The following UNC5D variants were observed in gnomAD, a reference collection of about 807,000 sequenced individuals.
The protein encoded by UNC5D is netrin receptor UNC5D.
A neutral mutation model predicts 105.4 loss-of-function variants in UNC5D; 39 were observed. The ratio of observed to expected loss-of-function variants is 0.37; its 90% CI spans 0.29 to 0.48. UNC5D has a LOEUF of 0.48. Among genes scored for constraint, UNC5D ranks in the 20% least tolerant of loss-of-function variants. The pLI, the probability that UNC5D is intolerant of heterozygous loss-of-function variation, is 0.98. For missense variants in UNC5D, 991 were observed against 1,202.4 expected, an observed-to-expected ratio of 0.82 and a Z score of 2.60; for synonymous variants, 452 against 450.4, an observed-to-expected ratio of 1.00 and a Z score of -0.04.
In UNC5D at chr8:35,791,371, A is replaced by G. The variant is rs1395177172; in HGVS notation, c.*808A>G. The G allele has an allele frequency of 2.0e-5, 3 of 152,216 alleles. No individual in the cohort carries two copies. Among genetic ancestry groups the G allele is most frequent in the Non-Finnish European group, 4.4e-5 (3 of 68,080 alleles). 9.4% of individuals were successfully genotyped at this position (152,216 alleles called of 1,614,324 possible). A position where few individuals can be genotyped will look rare whatever the true frequency, so the allele number is the denominator to read the frequency against. On this transcript the variant is annotated 3_prime_UTR_variant, in exon 17 of 17. Coordinates refer to ENST00000404895, the MANE Select transcript of UNC5D (RefSeq NM_080872.4). ...TCTCTATTCCCATCTAAGCCACTCA[A>G]ATTGCTGAGTGCTATTAGAACACAG...
At chr8:35,523,928 G>T in intron 1 of UNC5D, among the ~76,000 whole-genome samples, 1 of 25,038 alleles carries the variant, frequency 4.0e-5, no homozygotes, top group Non-Finnish European at 7.9e-5. Context: ...ACAAACTGGT[G>T]GGCTAAAGTC....
intron 3 of UNC5D, among the ~76,000 whole-genome samples, chr8:35,582,929 C>G (rs1410821591): frequency 6.6e-6 from 1 of 152,162 alleles, no homozygotes; most frequent in Non-Finnish European, 1.5e-5. Context: ...AAAACTTTGT[C>G]CCTTCAACCA....
intron 1 of UNC5D, among the ~76,000 whole-genome samples, chr8:35,372,317 G>A (rs111506573): frequency 0.016 from 2,414 of 152,006 alleles, 70 homozygotes; most frequent in African/African-American, 0.056. Flanking sequence ...TAGAGACAGG[G>A]TTTTGCCATG....
intron 8 of UNC5D, among the ~76,000 whole-genome samples, chr8:35,714,120 A>G (rs959779897): frequency 1.3e-5 from 2 of 152,304 alleles, no homozygotes; most frequent in East Asian, 3.9e-4. Flanking sequence ...CTCCTTTTGA[A>G]ATTGAGATGA....
chr8:35,736,278 G>A (rs1345197391), intron 11 of UNC5D, among the ~76,000 whole-genome samples: 3 of 152,172 alleles, frequency 2.0e-5, no homozygotes, highest in African/African-American at 7.2e-5. Context: ...GGCTGGGGTG[G>A]GAGGATGGCT....
intron 3 of UNC5D, among the ~76,000 whole-genome samples, chr8:35,572,285 A>C (rs1817785772): frequency 6.7e-6 from 1 of 150,062 alleles, no homozygotes. Flanking sequence ...CAAAAAAAAA[A>C]AAAAAAAAAA....
intron 16 of UNC5D, among the ~76,000 whole-genome samples, chr8:35,783,272 C>T (rs985204819): frequency 2.6e-5 from 4 of 152,130 alleles, no homozygotes; most frequent in African/African-American, 9.7e-5. Flanking sequence ...TGGGCAAAAG[C>T]CGAAATTCTG....
chr8:35,679,533 C>T (rs1301124262), intron 4 of UNC5D, among the ~76,000 whole-genome samples: 3 of 152,016 alleles, frequency 2.0e-5, no homozygotes, highest in Non-Finnish European at 2.9e-5. Context: ...GGCTAAAGCT[C>T]GAGGCTCTGA....
intron 1 of UNC5D, among the ~76,000 whole-genome samples, chr8:35,401,971 G>A (rs1441033431): frequency 1.3e-5 from 2 of 152,130 alleles, no homozygotes; most frequent in East Asian, 3.9e-4. Flanking sequence ...TGTAAATAAT[G>A]GATTGAGCCT....
In UNC5D at chr8:35,429,182, C is replaced by T. The variant is rs140610592; in HGVS notation, c.104-120110C>T. On this transcript the variant is annotated intron_variant, in intron 1 of 16. Transcript: ENST00000404895. ...AAGCTGCAATAATCTTCATTTTATC[C>T]CTTTCTTCTTTGATAATGAAGAACT... Among the ~76,000 whole-genome samples, 119 of 152,140 alleles carry T rather than the reference C, an allele frequency of 7.8e-4. 1 individual carries two copies. The highest frequency in any genetic ancestry group is 2.8e-3 in the African/African-American group (117 of 41,520).
rs113893400 is a variant in UNC5D at position 35,747,197 on chromosome 8, G to A, written c.1767-1330G>A. Among the ~76,000 whole-genome samples, 522 of 152,268 alleles carry A rather than the reference G, an allele frequency of 3.4e-3. 4 individuals carry two copies. The highest frequency in any genetic ancestry group is 0.012 in the African/African-American group (500 of 41,558). On this transcript the variant is annotated intron_variant, in intron 11 of 16. Transcript: ENST00000404895. ...TAATGTTACATCTACTGTTTTAGACGCAGTAGACATAAGATGCTCCTCAAT... is the reference window on the plus strand; with the variant it reads ...TAATGTTACATCTACTGTTTTAGACACAGTAGACATAAGATGCTCCTCAAT...
chr8:35,375,024 A>G lies in UNC5D; in HGVS notation c.103+139137A>G, dbSNP rs563701636. Among the ~76,000 whole-genome samples, 78 of 152,332 alleles carry G rather than the reference A, an allele frequency of 5.1e-4. No homozygotes were observed. In the Middle Eastern group the frequency reaches 0.01, roughly 20 times the overall value. On this transcript the variant is annotated intron_variant, in intron 1 of 16. Coordinates refer to ENST00000404895, the MANE Select transcript of UNC5D (RefSeq NM_080872.4). ...TTTCATAGTTGACTTTTAAAATCCT[A>G]TATAATAGAAAAGTGGACTTCAGCT...
chr8:35,632,881 G>C (rs779325076), intron 4 of UNC5D, among the ~76,000 whole-genome samples: 2 of 152,142 alleles, frequency 1.3e-5, no homozygotes, highest in Non-Finnish European at 1.5e-5. Flanking sequence ...TTTCTTTGGA[G>C]CCCCTTTCCT....
chr8:35,348,759 T>A (rs1002789324), intron 1 of UNC5D, among the ~76,000 whole-genome samples: 1 of 151,882 alleles, frequency 6.6e-6, no homozygotes. Context: ...GTATATATCC[T>A]GGACTTAATG....
At chr8:35,769,336 ATCTAATGGATTAGCCTTAACTGTGGGCCT>A (rs1563749332) in intron 15 of UNC5D, among the ~76,000 whole-genome samples, 1 of 152,180 alleles carries the variant, frequency 6.6e-6, no homozygotes, top group South Asian at 2.1e-4. Context: ...AGTCAAGGCC[ATCTAATGGATTAGCCTTAACTGTGGGCCT>A]TCTTCACAGT....
chr8:35,758,487 G>C (rs1309811331), intron 13 of UNC5D, among the ~76,000 whole-genome samples: 1 of 152,078 alleles, frequency 6.6e-6, no homozygotes, highest in Non-Finnish European at 1.5e-5. Context: ...CTTATATTCA[G>C]TAACACCAAA....
At position 35,489,238 on chromosome 8, in the gene UNC5D, C is replaced by T. The variant is rs186775900; in HGVS notation, c.104-60054C>T. 4.1e-3 allele frequency among the ~76,000 whole-genome samples: 627 copies of T among 152,164 alleles called. 8 individuals are homozygous for T. Among genetic ancestry groups the T allele is most frequent in the African/African-American group, 0.014 (591 of 41,500 alleles). ...AGCCAGGCTGGTCTTGAACCCCTGA[C>T]CTCAGGTGATCCACCTGCCTCAGCC... On this transcript the variant is annotated intron_variant, in intron 1 of 16. Transcript: ENST00000404895.
intron 2 of UNC5D, among the ~76,000 whole-genome samples, chr8:35,552,975 A>G (rs892697855): frequency 1.3e-5 from 2 of 152,226 alleles, no homozygotes; most frequent in Non-Finnish European, 2.9e-5. Context: ...AAGGACTCAA[A>G]TACCAGTGGC....
chr8:35,665,256 C>A (rs1195046059), intron 4 of UNC5D, among the ~76,000 whole-genome samples: 1 of 152,216 alleles, frequency 6.6e-6, no homozygotes, highest in Non-Finnish European at 1.5e-5. Flanking sequence ...GGAGTTACAA[C>A]TTCCTTTCTG....
Sources: gnomAD v4.1 joint callset for allele counts (sites outside exome capture counted in the v4.1 genomes callset) on GRCh38, gnomAD v4.1.1 for gene constraint, MANE v1.5 for transcripts, NCBI Gene and HGNC (gene_info 2026-07-23, HGNC 2026-07-21) for gene names.